MTMR9: variants seen among roughly 807,000 people sequenced by gnomAD.
MTMR9 encodes the protein myotubularin-related protein 9.
A neutral mutation model predicts 69.5 loss-of-function variants in MTMR9; 39 were observed. The observed-to-expected ratio is 0.56, with a 90% CI of 0.43 to 0.73. The LOEUF is 0.73. Ranked by LOEUF, MTMR9 falls within the 30% of genes least tolerant of loss-of-function variation. The pLI, the probability that MTMR9 is intolerant of heterozygous loss-of-function variation, is 0.00. For missense variants in MTMR9, 900 were observed against 671.2 expected (o/e 1.34, Z -3.77); for synonymous variants, 354 against 240.8 (o/e 1.47, Z -4.35).
Position 11,300,057 on chromosome 8 carries a change from A to G in MTMR9, c.326A>G (p.Tyr109Cys). ...LSTLDSITLMYPFFYRPMFEV... is the reference protein window; with the variant it reads ...LSTLDSITLMCPFFYRPMFEV... ...ACTCTGGACTCCATCACTCTGATGT[A>G]CCCTTTCTTTTACCGTCCTATGTTT... The change falls in exon 3 of 10, where the codon TAC becomes TGC. Residue 109 changes from tyrosine to cysteine, a missense_variant. By Grantham distance (194) the Tyr-to-Cys change is radical. Coordinates refer to ENST00000221086, the MANE Select transcript of MTMR9 (RefSeq NM_015458.4). 1 of 1,613,566 alleles carries G rather than the reference A, an allele frequency of 6.2e-7. No individual in the cohort carries two copies. Among genetic ancestry groups the G allele is most frequent in the Non-Finnish European group, 8.5e-7 (1 of 1,179,664 alleles).
downstream of MTMR9, among the ~76,000 whole-genome samples, chr8:11,328,357 GTGTGTGTGTGTGTGTT>G (rs1459173383): frequency 1.3e-5 from 2 of 150,442 alleles, no homozygotes; most frequent in Non-Finnish European, 3.0e-5. Flanking sequence ...GTGTGTGTGT[GTGTGTGTGTGTGTGTT>G]TGTTACACTG....
chr8:11,302,736 G>C (rs964068846), intron 3 of MTMR9, among the ~76,000 whole-genome samples: 5 of 152,118 alleles, frequency 3.3e-5, no homozygotes, highest in Admixed American at 1.3e-4. Flanking sequence ...ACAGGGTATA[G>C]GGATTGAAAT....
At chr8:11,318,823 C>T (rs1800537354) in intron 8 of MTMR9, 1 of 151,908 alleles carries the variant, frequency 6.6e-6, no homozygotes, top group Non-Finnish European at 1.5e-5. Flanking sequence ...AGTTATTTTC[C>T]CTAAAAGCTA....
chr8:11,331,807 G>C (rs2736269), downstream of MTMR9: 1,159,896 of 1,605,516 alleles, frequency 0.72, 425,573 homozygotes, highest in East Asian at 1. Flanking sequence ...CTGCTGGGCT[G>C]TGTGCCAGGC....
At chr8:11,298,198 T>C (rs1055082559) in intron 2 of MTMR9, among the ~76,000 whole-genome samples, 6 of 152,186 alleles carry the variant, frequency 3.9e-5, no homozygotes, top group Admixed American at 3.3e-4. Flanking sequence ...GACCTCTTTC[T>C]AGTGACATAA....
At chr8:11,289,958 T>G (rs1372248543) in intron 1 of MTMR9, among the ~76,000 whole-genome samples, 1 of 152,196 alleles carries the variant, frequency 6.6e-6, no homozygotes, top group African/African-American at 2.4e-5. Context: ...TATATAGTCT[T>G]GTGCCATAAT....
At position 11,314,971 on chromosome 8, in the gene MTMR9, A is replaced by C. The variant is rs760026310; in HGVS notation, c.1020A>C (p.Thr340=). The C allele has an allele frequency of 2.5e-6, 4 of 1,613,888 alleles. No homozygotes were observed. In the Admixed American group the frequency reaches 5.0e-5, roughly 20 times the overall value. Residue 340 remains threonine (T), a synonymous_variant, in exon 7 of 10, where the codon ACA becomes ACC. Coordinates refer to ENST00000221086, the MANE Select transcript of MTMR9 (RefSeq NM_015458.4). ...ACGGAACAGAAGGAACTGATTCCAC[A>C]CTCCAGGTGACCTCCTTGGCCCAGA... ...LIHGTEGTDS[T]LQVTSLAQII... is the part of the protein sequence containing the mutation.
rs554449236 is a variant in MTMR9 at position 11,295,183 on chromosome 8, A to G, written c.183-11A>G. ...TATGTGTTCCTAAACATGATTTGCA[A>G]TTTCTTACAGATTTGTAGGATCACT... On this transcript the variant is annotated splice_polypyrimidine_tract_variant and intron_variant, in intron 1 of 9. Transcript: ENST00000221086. The G allele has an allele frequency of 3.3e-6, 5 of 1,493,648 alleles. No homozygotes were observed. Among genetic ancestry groups the G allele is most frequent in the Admixed American group, 1.8e-5 (1 of 56,418 alleles). 92.5% of individuals were successfully genotyped at this position (1,493,648 alleles called of 1,614,324 possible). A position where few individuals can be genotyped will look rare whatever the true frequency, so the allele number is the denominator to read the frequency against.
chr8:11,298,155 A>T (rs184630063), intron 2 of MTMR9, among the ~76,000 whole-genome samples: 1 of 152,278 alleles, frequency 6.6e-6, no homozygotes, highest in African/African-American at 2.4e-5. Context: ...AAATGTTTTC[A>T]GTTCTCTCAG....
downstream of MTMR9, chr8:11,331,473 C>T (rs1248311048): frequency 1.2e-6 from 2 of 1,614,008 alleles, no homozygotes; most frequent in Non-Finnish European, 1.7e-6. Context: ...CAGTGCAGTT[C>T]AGGTGGTGCC....
chr8:11,304,724 C>G, intron 3 of MTMR9, 117 bp from the exon 4 acceptor site: 1 of 1,005,692 alleles, frequency 9.9e-7, no homozygotes. Context: ...CTGTGAAATT[C>G]CTGAGAAATG....
At chr8:11,317,158 A>G (rs1289688633) in intron 8 of MTMR9, 8 of 243,252 alleles carry the variant, frequency 3.3e-5, no homozygotes, top group Non-Finnish European at 6.2e-5. Context: ...TTAACATAGG[A>G]TCATAGTATC....
intron 1 of MTMR9, among the ~76,000 whole-genome samples, chr8:11,288,019 C>T (rs1308304962): frequency 7.8e-5 from 9 of 114,738 alleles, no homozygotes; most frequent in Admixed American, 3.3e-4. Flanking sequence ...GTATATAATA[C>T]GTATGATATA....
At position 11,316,820 on chromosome 8, in the gene MTMR9, T is replaced by G; in HGVS notation, c.1261T>G (p.Phe421Val). ...CTGTTCTTTTGAGTTTAATGAGAAT[T>G]TCCTCATCATGCTCTTTGAGCATGC... ...FPCSFEFNEN[F>V]LIMLFEHAYA... is the part of the protein sequence containing the mutation. The change falls in exon 8 of 10, where the codon TTC becomes GTC. Residue 421 changes from phenylalanine (F) to valine (V), a missense_variant. By Grantham distance (50) the Phe-to-Val change is conservative (BLOSUM62 -1). Transcript: ENST00000221086. 1 of 1,613,870 alleles carries G rather than the reference T, an allele frequency of 6.2e-7. No individual in the cohort carries two copies. Among genetic ancestry groups the G allele is most frequent in the Non-Finnish European group, 8.5e-7 (1 of 1,179,890 alleles).
chr8:11,296,280 G>A (rs1218889701), intron 2 of MTMR9, among the ~76,000 whole-genome samples: 1 of 152,130 alleles, frequency 6.6e-6, no homozygotes, highest in African/African-American at 2.4e-5. Context: ...GCTGTTGTAA[G>A]AATTTTATTA....
chr8:11,328,996 A>G (rs372018626), downstream of MTMR9, among the ~76,000 whole-genome samples: 12 of 152,154 alleles, frequency 7.9e-5, no homozygotes, highest in East Asian at 7.7e-4. Flanking sequence ...TTATTTGCAT[A>G]TGGATATTCA....
At chr8:11,286,588 C>A (rs943583044) in intron 1 of MTMR9, among the ~76,000 whole-genome samples, 1 of 148,462 alleles carries the variant, frequency 6.7e-6, no homozygotes, top group African/African-American at 2.5e-5. Context: ...ATCGCTTGAA[C>A]CTTGGAAGCA....
intron 3 of MTMR9, 152 bp from the exon 4 acceptor site, chr8:11,304,689 A>C: frequency 1.4e-6 from 1 of 710,950 alleles, no homozygotes; most frequent in Non-Finnish European, 2.3e-6. Context: ...CTCTGCAGCT[A>C]CTTACATATA....
rs1193668588 is a variant in MTMR9, at chr8:11,285,968, TTTG to T, written c.182+899_182+901del. Reference sequence around the variant, plus strand: ...TCTTTCTTTTTTTTTTTTTTTTTTTTTTGGAGACGAAATCTCACTGTATTGCCC... The same window carrying T: ...TCTTTCTTTTTTTTTTTTTTTTTTTTGAGACGAAATCTCACTGTATTGCCC... On this transcript the variant is annotated intron_variant, in intron 1 of 9. Transcript: ENST00000221086. Among the ~76,000 whole-genome samples, 299 of 145,752 alleles carry T rather than the reference TTTG, an allele frequency of 2.1e-3. 1 individual carries two copies. The highest frequency in any genetic ancestry group is 6.5e-3 in the African/African-American group (252 of 38,666).
Sources: gnomAD v4.1 joint callset for allele counts (sites outside exome capture counted in the v4.1 genomes callset) on GRCh38, gnomAD v4.1.1 for gene constraint, MANE v1.5 for transcripts, NCBI Gene and HGNC (gene_info 2026-07-23, HGNC 2026-07-21) for gene names.